LRRFIP1: variants seen among roughly 807,000 people sequenced by gnomAD.
LRRFIP1 encodes the protein LRR binding FLII interacting protein 1, also known as leucine-rich repeat flightless-interacting protein 1.
In LRRFIP1, 62 loss-of-function variants were observed where a neutral mutation model predicts 104.4. The ratio of observed to expected loss-of-function variants is 0.59; its 90% CI spans 0.48 to 0.73. The LOEUF (loss-of-function observed/expected upper bound fraction) is 0.73, where lower values mean the gene tolerates loss of function less well. Ranked by LOEUF, LRRFIP1 falls within the 30% of genes least tolerant of loss-of-function variation. The pLI is 0.00. For synonymous variants in LRRFIP1, 300 were observed against 299.0 expected (o/e 1.00, Z -0.03); for missense variants, 796 against 824.5 (o/e 0.97, Z 0.42).
In LRRFIP1 at chr2:237,779,425, C is replaced by T. The variant is rs752430765; in HGVS notation, c.1816C>T (p.Arg606Cys). Residue 606 changes from arginine (R) to cysteine (C), a missense_variant, in exon 24 of 24, where the codon CGC becomes TGC. Arg to Cys is a radical substitution (Grantham distance 180). Transcript: ENST00000308482. ...AEKRKLQREL[R>C]SALDKTEELE... ...ACTGCCTTTCCTCCGTTCCCAGCTC[C>T]GCTCTGCATTGGATAAAACAGAAGA... 3 of 1,613,126 alleles carry T rather than the reference C, an allele frequency of 1.9e-6. No individual in the cohort carries two copies. The highest frequency in any genetic ancestry group is 2.2e-5 in the East Asian group (1 of 44,868).
At chr2:237,631,198 T>C (rs1282639906) in intron 1 of LRRFIP1, among the ~76,000 whole-genome samples, 1 of 152,172 alleles carries the variant, frequency 6.6e-6, no homozygotes, top group East Asian at 1.9e-4. Flanking sequence ...GAACATGCCT[T>C]CTGGAGAGTA....
intron 1 of LRRFIP1, among the ~76,000 whole-genome samples, chr2:237,670,421 G>A (rs962976690): frequency 1.3e-5 from 2 of 152,238 alleles, no homozygotes; most frequent in African/African-American, 4.8e-5. Context: ...TTCTGTGAAA[G>A]CCAGGGGTGG....
chr2:237,653,930 T>C (rs552307367), intron 1 of LRRFIP1, among the ~76,000 whole-genome samples: 3 of 152,286 alleles, frequency 2.0e-5, no homozygotes, highest in Admixed American at 6.5e-5. Flanking sequence ...GAAAGCTCCA[T>C]GATATTGTTC....
chr2:237,629,730 T>A (rs2082087403), intron 1 of LRRFIP1, among the ~76,000 whole-genome samples: 1 of 152,146 alleles, frequency 6.6e-6, no homozygotes, highest in Admixed American at 6.5e-5. Context: ...CCTTGGCCTC[T>A]CAAAGTGCTG....
chr2:237,735,174 C>T lies in LRRFIP1; in HGVS notation c.490-94C>T, dbSNP rs2095194388. 7.3e-6 allele frequency: 7 copies of T among 956,678 alleles called. No homozygotes were observed. The highest frequency in any genetic ancestry group is 2.3e-5 in the Admixed American group (1 of 43,746). 59.3% of individuals were successfully genotyped at this position (956,678 alleles called of 1,614,324 possible). On this transcript the variant is annotated intron_variant, in intron 9 of 23. Transcript: ENST00000308482. The surrounding 1 kb of genome is among the most constrained non-coding windows in gnomAD (Gnocchi z 4.6). Reference sequence around the variant, plus strand: ...GCTTTTTCAGGTCATGCTCCTGGCACGTGTCAGTTTTTCACAGCTCACGTT... The same window carrying T: ...GCTTTTTCAGGTCATGCTCCTGGCATGTGTCAGTTTTTCACAGCTCACGTT...
rs534019092 is a variant in LRRFIP1 at position 237,691,995 on chromosome 2, T to C, written c.97-16549T>C. On this transcript the variant is annotated intron_variant, in intron 1 of 23. Coordinates refer to ENST00000308482, the MANE Select transcript of LRRFIP1 (RefSeq NM_001137550.2). This position sits in a 1 kb window ranked among gnomAD's most constrained non-coding sequence, Gnocchi z 5.4. ...CTGGGTGGGGCGGAGCCGGTGGGGG[T>C]GGGGAAAGGGGCGTAACCGGGAGGG... 10,204 of 80,802 alleles carry C rather than the reference T, an allele frequency of 0.13. 1,274 individuals are homozygous for C. Among genetic ancestry groups the C allele is most frequent in the African/African-American group, 0.43 (9,117 of 21,030 alleles). The allele number at this position is 80,802 out of a possible 1,614,324, so 5.0% of individuals were successfully genotyped here. A position where few individuals can be genotyped will look rare whatever the true frequency, so the allele number is the denominator to read the frequency against.
At chr2:237,765,538 T>C in intron 19 of LRRFIP1, 2 of 975,500 alleles carry the variant, frequency 2.1e-6, no homozygotes, top group Non-Finnish European at 2.4e-6. Flanking sequence ...TACTTGTTCT[T>C]GTACAAGCTA....
chr2:237,672,994 C>T (rs1023720867), intron 1 of LRRFIP1, among the ~76,000 whole-genome samples: 2 of 152,158 alleles, frequency 1.3e-5, no homozygotes, highest in Non-Finnish European at 2.9e-5. Context: ...GACCGTGCTC[C>T]GTCGTTTTAG....
intron 1 of LRRFIP1, among the ~76,000 whole-genome samples, chr2:237,658,768 G>A (rs998149736): frequency 5.9e-5 from 9 of 152,104 alleles, no homozygotes; most frequent in African/African-American, 1.2e-4. Flanking sequence ...AACAGCATGC[G>A]GGGAACTGCC....
Position 237,660,874 on chromosome 2 carries a change from G to A in LRRFIP1, c.96+33134G>A, listed in dbSNP as rs80331351. 1.4e-3 allele frequency among the ~76,000 whole-genome samples: 211 copies of A among 152,250 alleles called. 1 individual carries two copies. Among genetic ancestry groups the A allele is most frequent in the African/African-American group, 4.4e-3 (182 of 41,550 alleles). On this transcript the variant is annotated intron_variant, in intron 1 of 23. Coordinates refer to ENST00000308482, the MANE Select transcript of LRRFIP1 (RefSeq NM_001137550.2). ...GGCAGAAAAAGGGAGAAAAGCATGC[G>A]TTTTTGAGTTTATATATTCCATCAC...
intron 1 of LRRFIP1, 36 bp from the exon 2 acceptor site, chr2:237,708,508 G>A: frequency 6.6e-7 from 1 of 1,510,820 alleles, no homozygotes. Context: ...GGTGCCCGCT[G>A]CTCTGTCCTC....
rs534798113 is a variant in LRRFIP1 at position 237,681,710 on chromosome 2, C to T, written c.97-26834C>T. On this transcript the variant is annotated intron_variant, in intron 1 of 23. Coordinates refer to ENST00000308482, the MANE Select transcript of LRRFIP1 (RefSeq NM_001137550.2). ...TTTTTTTTTTTTTGAGACGGAGTCT[C>T]GCTCTGTCGCCCAGGCTGGAGTGCA... Among the ~76,000 whole-genome samples, 108 of 20,606 alleles carry T rather than the reference C, an allele frequency of 5.2e-3. 7 individuals carry two copies. The East Asian group carries it at 0.15, about 29-fold the overall frequency. 13.5% of individuals were successfully genotyped at this position (20,606 alleles called of 152,430 possible).
At position 237,667,322 on chromosome 2, in the gene LRRFIP1, G is replaced by A. The variant is rs575611551; in HGVS notation, c.96+39582G>A. ...CAGAGAACATGTTGGTTTTCTGTTCGTGTGTTAGTTTGCTGAGAATTGTGG... is the reference window on the plus strand; with the variant it reads ...CAGAGAACATGTTGGTTTTCTGTTCATGTGTTAGTTTGCTGAGAATTGTGG... On this transcript the variant is annotated intron_variant, in intron 1 of 23. Coordinates refer to ENST00000308482, the MANE Select transcript of LRRFIP1 (RefSeq NM_001137550.2). Among the ~76,000 whole-genome samples, 39 of 152,244 alleles carry A rather than the reference G, an allele frequency of 2.6e-4. No individual in the cohort carries two copies. In the South Asian group the frequency reaches 7.1e-3, roughly 28 times the overall value.
Position 237,673,033 on chromosome 2 carries a change from C to T in LRRFIP1, c.97-35511C>T, listed in dbSNP as rs371480516. On this transcript the variant is annotated intron_variant, in intron 1 of 23. Coordinates refer to ENST00000308482, the MANE Select transcript of LRRFIP1 (RefSeq NM_001137550.2). Reference sequence around the variant, plus strand: ...AAGAACAGACTTACCACACACTGTGCTTTCTCTCACTTTGTGAGACAGTGA... The same window carrying T: ...AAGAACAGACTTACCACACACTGTGTTTTCTCTCACTTTGTGAGACAGTGA... Among the ~76,000 whole-genome samples, 214 of 152,344 alleles carry T rather than the reference C, an allele frequency of 1.4e-3. 5 individuals are homozygous for T. In the South Asian group the frequency reaches 0.043, roughly 30 times the overall value.
chr2:237,745,056 C>T (rs75602243), intron 11 of LRRFIP1, among the ~76,000 whole-genome samples: 3,599 of 152,340 alleles, frequency 0.024, 148 homozygotes, highest in African/African-American at 0.082. Flanking sequence ...AAGTGCTGTG[C>T]TTTATGTCAA....
At chr2:237,656,640 C>A (rs12464149) in intron 1 of LRRFIP1, among the ~76,000 whole-genome samples, 15,417 of 152,200 alleles carry the variant, frequency 0.1, 860 homozygotes, top group African/African-American at 0.13. Flanking sequence ...CCATGTGACT[C>A]ACGTATGATT....
At chr2:237,762,878 G>T (rs1448228565) in intron 19 of LRRFIP1, 2 of 1,614,082 alleles carry the variant, frequency 1.2e-6, no homozygotes, top group African/African-American at 2.7e-5. Context: ...AGTACAGGTT[G>T]AGTCAAATGA....
At chr2:237,675,042 A>G (rs1179430326) in intron 1 of LRRFIP1, among the ~76,000 whole-genome samples, 4 of 152,196 alleles carry the variant, frequency 2.6e-5, no homozygotes, top group Non-Finnish European at 5.9e-5. Context: ...GCGTCACCCC[A>G]GCAACGGGAT....
At position 237,762,818 on chromosome 2, in the gene LRRFIP1, G is replaced by A. The variant is rs747660365; in HGVS notation, c.1459+2613G>A. On this transcript the variant is annotated intron_variant, in intron 19 of 23. Coordinates refer to ENST00000308482, the MANE Select transcript of LRRFIP1 (RefSeq NM_001137550.2). ...AACCTTAGCAGGTGCTACCTATGAG[G>A]AACAGGTTCAAAGCCAAATTCTTGA... 3.1e-6 allele frequency: 5 copies of A among 1,614,188 alleles called. No individual in the cohort carries two copies. The South Asian group carries it at 3.3e-5, about 11-fold the overall frequency.
Sources: allele counts gnomAD v4.1 joint callset (sites outside exome capture counted in the v4.1 genomes callset), GRCh38; gene constraint gnomAD v4.1.1; non-coding constraint Gnocchi (gnomAD v3.1); transcripts MANE v1.5; gene names NCBI Gene and HGNC (gene_info 2026-07-23, HGNC 2026-07-21).